EFCAB11: variants seen among roughly 807,000 people sequenced by gnomAD.
EFCAB11 encodes the protein EF-hand calcium-binding domain-containing protein 11.
In EFCAB11, 14 loss-of-function variants were observed where a neutral mutation model predicts 23.0. The ratio of observed to expected loss-of-function variants is 0.61; its 90% CI spans 0.40 to 0.95. EFCAB11 has a LOEUF of 0.95. EFCAB11 is among the 40% of genes least tolerant of loss of function. EFCAB11 has a pLI of 0.00. For synonymous variants in EFCAB11, 65 were observed against 66.6 expected (o/e 0.98, Z 0.11); for missense variants, 198 against 195.8 (o/e 1.01, Z -0.07).
At chr14:89,810,044 G>C (rs1886100736) in intron 5 of EFCAB11, among the ~76,000 whole-genome samples, 2 of 152,216 alleles carry the variant, frequency 1.3e-5, no homozygotes, top group African/African-American at 4.8e-5. Flanking sequence ...CTTGAATACA[G>C]CTGCAGCCCA....
chr14:89,797,389 AT>A, intron 5 of EFCAB11, 65 bp from the exon 6 acceptor site: 9 of 1,415,822 alleles, frequency 6.4e-6, no homozygotes, highest in Non-Finnish European at 7.9e-6. Context: ...CCGAGAGCAC[AT>A]TAGAATCTTT....
intron 5 of EFCAB11, among the ~76,000 whole-genome samples, chr14:89,881,733 C>T (rs543548868): frequency 6.6e-6 from 1 of 151,938 alleles, no homozygotes; most frequent in South Asian, 2.1e-4. Context: ...CAGGCATGAG[C>T]CACTGTGCCT....
rs749012104 is a variant in EFCAB11 at position 89,954,666 on chromosome 14, C to G, written c.-6G>C. On this transcript the variant is annotated 5_prime_UTR_variant, in exon 1 of 6. Transcript: ENST00000316738. ...CTGGCCTCGGAGAAGAACATCGCGA[C>G]TACAACAACCGAGCCCCAGCAACCC... The G allele has an allele frequency of 6.2e-7, 1 of 1,610,442 alleles. No individual in the cohort carries two copies.
At chr14:89,895,602 G>C (rs374929796) in intron 5 of EFCAB11, among the ~76,000 whole-genome samples, 1 of 152,170 alleles carries the variant, frequency 6.6e-6, no homozygotes, top group East Asian at 1.9e-4. Flanking sequence ...TGTCCATATG[G>C]AAAAGGTGAA....
At chr14:89,908,487 A>G (rs956880610) in intron 5 of EFCAB11, among the ~76,000 whole-genome samples, 11 of 152,224 alleles carry the variant, frequency 7.2e-5, no homozygotes, top group African/African-American at 2.7e-4. Context: ...CTTATGCACA[A>G]AACTATGAAA....
chr14:89,948,899 G>A (rs1296908224), intron 3 of EFCAB11, among the ~76,000 whole-genome samples: 1 of 151,536 alleles, frequency 6.6e-6, no homozygotes, highest in African/African-American at 2.4e-5. Flanking sequence ...AAAAAATAGA[G>A]TAAGACCTAG....
chr14:89,941,496 T>C (rs1425410324), intron 3 of EFCAB11, among the ~76,000 whole-genome samples: 1 of 152,124 alleles, frequency 6.6e-6, no homozygotes, highest in Non-Finnish European at 1.5e-5. Context: ...GTCTGGTACT[T>C]ACTAGCTACC....
At chr14:89,917,055 T>C (rs1450673528) in intron 5 of EFCAB11, among the ~76,000 whole-genome samples, 1 of 38,258 alleles carries the variant, frequency 2.6e-5, no homozygotes, top group African/African-American at 1.2e-4. Flanking sequence ...ACATGCTTCG[T>C]GTGTGTGTGT....
intron 5 of EFCAB11, chr14:89,924,657 A>T (rs1269049161): frequency 3.9e-6 from 6 of 1,535,750 alleles, no homozygotes; most frequent in Non-Finnish European, 5.2e-6. Flanking sequence ...GCCGAAGTTA[A>T]ATCATGCACT....
At chr14:89,852,691 C>T (rs189953649) in intron 5 of EFCAB11, among the ~76,000 whole-genome samples, 9 of 152,318 alleles carry the variant, frequency 5.9e-5, no homozygotes, top group Admixed American at 3.3e-4. Context: ...TTTTATTCCT[C>T]GCACACCTCA....
chr14:89,938,256 T>C (rs1890662225), intron 3 of EFCAB11: 1 of 152,220 alleles, frequency 6.6e-6, no homozygotes, highest in South Asian at 2.1e-4. Context: ...GAAGGGTTCA[T>C]GTTCATTGTG....
chr14:89,880,581 G>T (rs1202058542), intron 5 of EFCAB11, among the ~76,000 whole-genome samples: 1 of 152,008 alleles, frequency 6.6e-6, no homozygotes, highest in African/African-American at 2.4e-5. Context: ...TCTTTTGAAG[G>T]TGTTTTATAA....
At chr14:89,951,567 C>G (rs1210339713) in intron 2 of EFCAB11, among the ~76,000 whole-genome samples, 1 of 152,072 alleles carries the variant, frequency 6.6e-6, no homozygotes, top group Non-Finnish European at 1.5e-5. Flanking sequence ...ATCTTTATAT[C>G]ACTAGCAACT....
chr14:89,893,473 C>T (rs11849148), intron 5 of EFCAB11, among the ~76,000 whole-genome samples: 19,535 of 152,110 alleles, frequency 0.13, 1,444 homozygotes, highest in South Asian at 0.23. Flanking sequence ...CTCTCCCCAG[C>T]TGCTGAAGTG....
chr14:89,881,452 C>CATATATATAT lies in EFCAB11; in HGVS notation c.410+50079_410+50088dup, dbSNP rs10530483. Among the ~76,000 whole-genome samples the CATATATATAT allele has an allele frequency of 7.7e-3, 360 of 46,750 alleles. 62 individuals are homozygous for CATATATATAT. The highest frequency in any genetic ancestry group is 0.022 in the Middle Eastern group (2 of 90). 30.7% of individuals were successfully genotyped at this position (46,750 alleles called of 152,430 possible). A position where few individuals can be genotyped will look rare whatever the true frequency, so the allele number is the denominator to read the frequency against. ...ATTTTTGGTCTACTTTATGACTTGG[C>CATATATATAT]ATATATATATATATTCTTTTTTTTT... On this transcript the variant is annotated intron_variant, in intron 5 of 5. Coordinates refer to ENST00000316738, the MANE Select transcript of EFCAB11 (RefSeq NM_145231.4).
chr14:89,900,353 G>A (rs1430599095), intron 5 of EFCAB11, among the ~76,000 whole-genome samples: 2 of 152,066 alleles, frequency 1.3e-5, no homozygotes, highest in Non-Finnish European at 2.9e-5. Context: ...GGGCAATCAG[G>A]CAGGGCTACC....
intron 5 of EFCAB11, among the ~76,000 whole-genome samples, chr14:89,877,373 T>C (rs1027862174): frequency 2.6e-5 from 4 of 152,058 alleles, no homozygotes; most frequent in African/African-American, 9.7e-5. Context: ...CAAGGTTACA[T>C]GCAGTGAAAT....
At chr14:89,865,146 C>G (rs541266272) in intron 5 of EFCAB11, among the ~76,000 whole-genome samples, 1 of 152,178 alleles carries the variant, frequency 6.6e-6, no homozygotes. Context: ...ACCACTGACA[C>G]GGGGCAAGGG....
intron 3 of EFCAB11, among the ~76,000 whole-genome samples, chr14:89,935,403 T>G (rs1412270358): frequency 6.6e-6 from 1 of 151,384 alleles, no homozygotes; most frequent in African/African-American, 2.4e-5. Context: ...GTGGGTTTTT[T>G]TTTTTTTTTT....
Sources: gnomAD v4.1 joint callset for allele counts (sites outside exome capture counted in the v4.1 genomes callset) on GRCh38, gnomAD v4.1.1 for gene constraint, MANE v1.5 for transcripts, NCBI Gene and HGNC (gene_info 2026-07-23, HGNC 2026-07-21) for gene names.